The following CSMD3 variants were observed in gnomAD, a reference collection of about 807,000 sequenced individuals.
CSMD3 encodes the protein CUB and Sushi multiple domains 3, also known as CUB and sushi domain-containing protein 3.
A neutral mutation model predicts 435.2 loss-of-function variants in CSMD3; 177 were observed. The observed-to-expected ratio is 0.41, with a 90% CI of 0.36 to 0.46. The LOEUF is 0.46. CSMD3 is among the 20% of genes least tolerant of loss of function. CSMD3 has a pLI of 0.34. For missense variants in CSMD3, 4,265 were observed against 4,504.6 expected (o/e 0.95, Z 1.52); for synonymous variants, 1,656 against 1,520.5 (o/e 1.09, Z -2.07).
chr8:113,362,687 T>C (rs997727719), intron 1 of CSMD3, among the ~76,000 whole-genome samples: 3 of 152,206 alleles, frequency 2.0e-5, no homozygotes, highest in African/African-American at 4.8e-5. Flanking sequence ...TCTTGAGATT[T>C]TGTCTGTTTG....
chr8:112,239,870 G>T (rs935707878), intron 66 of CSMD3, among the ~76,000 whole-genome samples: 4 of 151,876 alleles, frequency 2.6e-5, no homozygotes, highest in Non-Finnish European at 5.9e-5. Flanking sequence ...GTTTTGGGCG[G>T]TTGCCTGTTT....
intron 1 of CSMD3, among the ~76,000 whole-genome samples, chr8:113,419,659 T>C (rs1291898929): frequency 6.6e-6 from 1 of 152,220 alleles, no homozygotes; most frequent in African/African-American, 2.4e-5. Context: ...ATCATAATTT[T>C]ATCAGGAATT....
chr8:113,395,382 C>G (rs947029793), intron 1 of CSMD3, among the ~76,000 whole-genome samples: 1 of 151,724 alleles, frequency 6.6e-6, no homozygotes, highest in Admixed American at 6.6e-5. Flanking sequence ...CTGAGGCGGG[C>G]GGATCATGAG....
chr8:112,688,181 CTGTT>C (rs1205439876), intron 14 of CSMD3, among the ~76,000 whole-genome samples: 1 of 152,162 alleles, frequency 6.6e-6, no homozygotes, highest in African/African-American at 2.4e-5. Flanking sequence ...GGCCCACAAT[CTGTT>C]TGCCATCTCC....
intron 53 of CSMD3, 145 bp downstream of exon 53, chr8:112,301,648 A>G (rs570216531): frequency 1.5e-6 from 1 of 659,974 alleles, no homozygotes; most frequent in South Asian, 1.8e-5. Flanking sequence ...ATCATGAGCC[A>G]TTTTTAAAGA....
At chr8:112,864,936 GT>G (rs1361884365) in intron 10 of CSMD3, among the ~76,000 whole-genome samples, 1 of 152,046 alleles carries the variant, frequency 6.6e-6, no homozygotes, top group Non-Finnish European at 1.5e-5. Flanking sequence ...TGCCACCTGT[GT>G]TTTTATAAAG....
chr8:112,740,329 A>C (rs2077276126), intron 13 of CSMD3, among the ~76,000 whole-genome samples: 1 of 151,514 alleles, frequency 6.6e-6, no homozygotes, highest in Non-Finnish European at 1.5e-5. Context: ...ATAATAAAAA[A>C]TAATTTCTTA....
intron 5 of CSMD3, among the ~76,000 whole-genome samples, chr8:113,019,603 A>C (rs1392462224): frequency 6.6e-6 from 1 of 150,590 alleles, no homozygotes; most frequent in Non-Finnish European, 1.5e-5. Flanking sequence ...TAAACATAAC[A>C]GATATTGAGC....
chr8:112,593,644 G>T (rs1003411606), intron 22 of CSMD3, among the ~76,000 whole-genome samples: 1 of 152,212 alleles, frequency 6.6e-6, no homozygotes, highest in African/African-American at 2.4e-5. Flanking sequence ...ATTGAGAAGA[G>T]AAGCAAAATA....
chr8:112,931,492 T>TA lies in CSMD3; in HGVS notation c.1509-9742dup, dbSNP rs34728073. On this transcript the variant is annotated intron_variant, in intron 9 of 70. Coordinates refer to ENST00000297405, the MANE Select transcript of CSMD3 (RefSeq NM_198123.2). ...GTAAAATCCGAAACTATAAAACTAC[T>TA]AAAAAAAAAAAAACTTAGGGAAAAT... Among the ~76,000 whole-genome samples the TA allele has an allele frequency of 7.6e-3, 1,038 of 136,488 alleles. 8 individuals are homozygous for TA. The highest frequency in any genetic ancestry group is 0.032 in the East Asian group (153 of 4,766). 89.5% of individuals were successfully genotyped at this position (136,488 alleles called of 152,430 possible).
intron 59 of CSMD3, among the ~76,000 whole-genome samples, chr8:112,270,093 G>T (rs900355177): frequency 6.6e-6 from 1 of 152,098 alleles, no homozygotes; most frequent in Non-Finnish European, 1.5e-5. Flanking sequence ...AATTAGACTT[G>T]CAATTTTCCA....
intron 9 of CSMD3, among the ~76,000 whole-genome samples, chr8:112,922,748 G>C (rs2082785345): frequency 6.6e-6 from 1 of 152,026 alleles, no homozygotes; most frequent in Non-Finnish European, 1.5e-5. Context: ...GGCATAAAAA[G>C]TCCTACATGT....
intron 22 of CSMD3, among the ~76,000 whole-genome samples, chr8:112,596,905 G>C (rs1220451084): frequency 6.6e-6 from 1 of 151,266 alleles, no homozygotes; most frequent in Non-Finnish European, 1.5e-5. Flanking sequence ...ATGCCCACAA[G>C]AGAAAGCAGG....
chr8:112,686,685 C>T (rs1179824589), intron 14 of CSMD3, among the ~76,000 whole-genome samples: 1 of 151,876 alleles, frequency 6.6e-6, no homozygotes, highest in East Asian at 1.9e-4. Flanking sequence ...GGGGTTTCGC[C>T]ATATTGGTCA....
At chr8:112,976,408 A>G (rs1350899004) in intron 6 of CSMD3, among the ~76,000 whole-genome samples, 1 of 152,090 alleles carries the variant, frequency 6.6e-6, no homozygotes, top group Non-Finnish European at 1.5e-5. Flanking sequence ...GTAAAAGGGT[A>G]AACCCTTTAT....
At chr8:112,436,218 A>C (rs1015052006) in intron 32 of CSMD3, among the ~76,000 whole-genome samples, 2 of 151,936 alleles carry the variant, frequency 1.3e-5, no homozygotes, top group African/African-American at 2.4e-5. Flanking sequence ...TCCTATCTTG[A>C]GAAACTGATC....
intron 6 of CSMD3, among the ~76,000 whole-genome samples, chr8:113,008,461 C>G (rs1587874553): frequency 6.6e-6 from 1 of 151,748 alleles, no homozygotes; most frequent in Admixed American, 6.6e-5. Flanking sequence ...GATGAATAAT[C>G]AATATGGTAG....
At chr8:112,363,165 A>G (rs991348845) in intron 38 of CSMD3, among the ~76,000 whole-genome samples, 1 of 151,928 alleles carries the variant, frequency 6.6e-6, no homozygotes, top group African/African-American at 2.4e-5. Flanking sequence ...CAGTTTCCTC[A>G]CCTATAAAAT....
chr8:112,923,781 T>C (rs191728829), intron 9 of CSMD3, among the ~76,000 whole-genome samples: 2 of 152,302 alleles, frequency 1.3e-5, no homozygotes, highest in Admixed American at 1.3e-4. Context: ...AGTTTATGTA[T>C]AGATTTTAAA....
Sources: allele counts gnomAD v4.1 joint callset (sites outside exome capture counted in the v4.1 genomes callset), GRCh38; gene constraint gnomAD v4.1.1; transcripts MANE v1.5; gene names NCBI Gene and HGNC (gene_info 2026-07-23, HGNC 2026-07-21).